The following CNTNAP2 variants were observed in gnomAD, a reference collection of about 807,000 sequenced individuals.
CNTNAP2 encodes contactin-associated protein-like 2.
In CNTNAP2, 98 loss-of-function variants were observed where a neutral mutation model predicts 155.2. The ratio of observed to expected loss-of-function variants is 0.63; its 90% CI spans 0.54 to 0.75. The LOEUF (loss-of-function observed/expected upper bound fraction) is 0.75. CNTNAP2 is among the 30% of genes least tolerant of loss of function. The pLI, the probability that CNTNAP2 is intolerant of heterozygous loss-of-function variation, is 0.00. For missense variants in CNTNAP2, 1,727 were observed against 1,688.1 expected (o/e 1.02, Z -0.40); for synonymous variants, 651 against 631.2 (o/e 1.03, Z -0.47).
intron 3 of CNTNAP2, among the ~76,000 whole-genome samples, chr7:147,024,065 CTTA>C (rs1798859626): frequency 6.6e-6 from 1 of 152,058 alleles, no homozygotes; most frequent in South Asian, 2.1e-4. Flanking sequence ...TCTTTATATG[CTTA>C]TTATTAACAT....
intron 9 of CNTNAP2, among the ~76,000 whole-genome samples, chr7:147,367,736 A>G (rs1252888421): frequency 6.6e-6 from 1 of 152,148 alleles, no homozygotes; most frequent in Non-Finnish European, 1.5e-5. Context: ...TTCCGGCTCC[A>G]GTTAAGAGAA....
chr7:147,781,805 C>T (rs1166177299), intron 13 of CNTNAP2, among the ~76,000 whole-genome samples: 4 of 152,078 alleles, frequency 2.6e-5, no homozygotes, highest in African/African-American at 9.7e-5. Flanking sequence ...GGGCGGATCA[C>T]GAGGTCAGGA....
chr7:147,276,957 C>T (rs1012318714), intron 8 of CNTNAP2, among the ~76,000 whole-genome samples: 11 of 151,904 alleles, frequency 7.2e-5, no homozygotes, highest in African/African-American at 2.7e-4. Context: ...TCAGTAGTGA[C>T]AATAATGCTG....
At chr7:147,685,084 T>G (rs1267969761) in intron 13 of CNTNAP2, among the ~76,000 whole-genome samples, 1 of 151,976 alleles carries the variant, frequency 6.6e-6, no homozygotes, top group African/African-American at 2.4e-5. Flanking sequence ...ATCTATTTTC[T>G]CTTGCATAAA....
At chr7:146,492,044 T>G (rs700277) in intron 1 of CNTNAP2, among the ~76,000 whole-genome samples, 72,436 of 151,824 alleles carry the variant, frequency 0.48, 17,739 homozygotes, top group Admixed American at 0.6. Context: ...CTGCTCTGAT[T>G]TTCTATAATT....
At chr7:147,686,348 G>A (rs1334872244) in intron 13 of CNTNAP2, among the ~76,000 whole-genome samples, 9 of 151,962 alleles carry the variant, frequency 5.9e-5, no homozygotes, top group Non-Finnish European at 8.8e-5. Flanking sequence ...AAGGCTTGGG[G>A]GAAATGTCAG....
chr7:147,284,117 A>C (rs556393348), intron 8 of CNTNAP2, among the ~76,000 whole-genome samples: 51 of 151,894 alleles, frequency 3.4e-4, no homozygotes, highest in African/African-American at 1.1e-3. Context: ...AAAAGTTTTC[A>C]ACTTCAATTA....
intron 1 of CNTNAP2, among the ~76,000 whole-genome samples, chr7:146,657,462 C>A (rs563545753): frequency 6.4e-4 from 98 of 152,294 alleles, no homozygotes; most frequent in African/African-American, 2.3e-3. Context: ...GATGCTATTT[C>A]TAGTAGCTAC....
intron 8 of CNTNAP2, among the ~76,000 whole-genome samples, chr7:147,134,359 C>T (rs545659819): frequency 2.0e-5 from 3 of 151,898 alleles, no homozygotes; most frequent in South Asian, 4.2e-4. Flanking sequence ...TTTGCTTAAA[C>T]CTAATAAAAA....
intron 8 of CNTNAP2, among the ~76,000 whole-genome samples, chr7:147,161,431 CTGTTTA>C (rs887624275): frequency 2.0e-5 from 3 of 152,038 alleles, no homozygotes; most frequent in Non-Finnish European, 4.4e-5. Context: ...GAATATGTAT[CTGTTTA>C]TAACTATATA....
At chr7:146,826,153 A>C (rs567614715) in intron 2 of CNTNAP2, among the ~76,000 whole-genome samples, 4 of 152,138 alleles carry the variant, frequency 2.6e-5, no homozygotes, top group Non-Finnish European at 4.4e-5. Context: ...TATTTGGTTA[A>C]TAAACAATAA....
In CNTNAP2 at chr7:147,634,645, C is replaced by T. The variant is rs117768689; in HGVS notation, c.1898-4461C>T. On this transcript the variant is annotated intron_variant, in intron 12 of 23. Coordinates refer to ENST00000361727, the MANE Select transcript of CNTNAP2 (RefSeq NM_014141.6). ...CTTTCTCAGAAAAAAAATGACAAGACGCTGTAAAAATTTTTAATTATTTTA... is the reference window on the plus strand; with the variant it reads ...CTTTCTCAGAAAAAAAATGACAAGATGCTGTAAAAATTTTTAATTATTTTA... 2.8e-3 allele frequency among the ~76,000 whole-genome samples: 433 copies of T among 152,130 alleles called. 5 individuals are homozygous for T. Among genetic ancestry groups the T allele is most frequent in the East Asian group, 0.025 (127 of 5,182 alleles).
chr7:146,432,690 C>A (rs1415253976), intron 1 of CNTNAP2, among the ~76,000 whole-genome samples: 1 of 152,118 alleles, frequency 6.6e-6, no homozygotes, highest in Non-Finnish European at 1.5e-5. Context: ...GCCACAAATT[C>A]CATTTAGTTC....
chr7:147,347,628 A>G (rs1242689170), intron 9 of CNTNAP2, among the ~76,000 whole-genome samples: 2 of 151,820 alleles, frequency 1.3e-5, no homozygotes, highest in African/African-American at 2.4e-5. Context: ...TACAGATTCA[A>G]TGCAATCTCT....
intron 15 of CNTNAP2, among the ~76,000 whole-genome samples, chr7:147,983,715 G>A (rs959485360): frequency 1.3e-5 from 2 of 152,188 alleles, no homozygotes; most frequent in East Asian, 3.9e-4. Context: ...TTGGAGATTG[G>A]TTAAAAGAGT....
intron 1 of CNTNAP2, among the ~76,000 whole-genome samples, chr7:146,370,946 A>G (rs974625270): frequency 2.6e-5 from 4 of 152,164 alleles, no homozygotes; most frequent in Admixed American, 2.6e-4. Context: ...GCTATACTAT[A>G]AATTGTATTT....
At chr7:146,910,480 G>C (rs1442722402) in intron 3 of CNTNAP2, among the ~76,000 whole-genome samples, 3 of 150,202 alleles carry the variant, frequency 2.0e-5, no homozygotes, top group Admixed American at 1.3e-4. Flanking sequence ...GAACAGAACA[G>C]AGCCCTCAGA....
rs143115888 is a variant in CNTNAP2 at position 146,175,475 on chromosome 7, C to G, written c.97+58502C>G. The stretch of plus-strand genomic sequence containing the variant: ...GCTGTTCAGTTGGAGTGAAATTGAC[C>G]GTTAATGATCCATCTCAGTATGATG... On this transcript the variant is annotated intron_variant, in intron 1 of 23. Coordinates refer to ENST00000361727, the MANE Select transcript of CNTNAP2 (RefSeq NM_014141.6). 1.8e-4 allele frequency among the ~76,000 whole-genome samples: 28 copies of G among 152,166 alleles called. No individual in the cohort carries two copies. In the East Asian group the frequency reaches 5.4e-3, roughly 29 times the overall value.
intron 13 of CNTNAP2, among the ~76,000 whole-genome samples, chr7:147,743,697 C>CT (rs5888282): frequency 0.96 from 144,720 of 150,388 alleles, 69,854 homozygotes; most frequent in South Asian, 1. Flanking sequence ...TTTTTTGTGA[C>CT]TTTTTTTTTC....
Sources: gnomAD v4.1 joint callset for allele counts (sites outside exome capture counted in the v4.1 genomes callset) on GRCh38, gnomAD v4.1.1 for gene constraint, MANE v1.5 for transcripts, NCBI Gene and HGNC (gene_info 2026-07-23, HGNC 2026-07-21) for gene names.